Variants in BLK observed in about 807,000 individuals in gnomAD.
BLK encodes tyrosine-protein kinase Blk.
A neutral mutation model predicts 61.8 loss-of-function variants in BLK; 64 were observed. The observed-to-expected ratio is 1.03, with a 90% CI of 0.85 to 1.27. The LOEUF (loss-of-function observed/expected upper bound fraction) is 1.27. Among genes scored for constraint, BLK ranks in the 50% most tolerant of loss-of-function variants. BLK has a pLI of 0.00. For synonymous variants in BLK, 351 were observed against 272.0 expected (o/e 1.29, Z -2.86); for missense variants, 853 against 660.5 (o/e 1.29, Z -3.19).
At chr8:11,524,734 T>A (rs1799585281) in intron 1 of BLK, among the ~76,000 whole-genome samples, 1 of 151,892 alleles carries the variant, frequency 6.6e-6, no homozygotes, top group Admixed American at 6.6e-5. Context: ...ACAGCTGGGG[T>A]GTGCGGCAGA....
intron 1 of BLK, among the ~76,000 whole-genome samples, chr8:11,524,786 C>A (rs1799587948): frequency 6.6e-6 from 1 of 152,136 alleles, no homozygotes; most frequent in Admixed American, 6.6e-5. Context: ...ACCTCACGAT[C>A]AGATGCTGAC....
At chr8:11,538,687 C>T (rs774074071) in intron 1 of BLK, among the ~76,000 whole-genome samples, 8 of 152,220 alleles carry the variant, frequency 5.3e-5, no homozygotes, top group South Asian at 2.1e-4. Flanking sequence ...TGGGCAGATG[C>T]GGAAGTATGA....
chr8:11,513,043 C>G (rs192238915), intron 1 of BLK, among the ~76,000 whole-genome samples: 3 of 152,336 alleles, frequency 2.0e-5, no homozygotes, highest in Admixed American at 2.0e-4. Flanking sequence ...TCATGGAAGT[C>G]TGAAGCAAGA....
intron 1 of BLK, among the ~76,000 whole-genome samples, chr8:11,541,250 A>T (rs767746291): frequency 1.3e-5 from 2 of 152,246 alleles, no homozygotes; most frequent in Non-Finnish European, 2.9e-5. Flanking sequence ...CGTAGGCAAC[A>T]GAGTGAGACA....
intron 1 of BLK, chr8:11,509,734 C>A (rs1039593236): frequency 4.6e-5 from 7 of 152,166 alleles, no homozygotes; most frequent in African/African-American, 1.7e-4. Context: ...GTCATTTTCT[C>A]CTGACTTTTA....
rs181380741 is a variant in BLK, at chr8:11,544,868, A to G, written c.124-1184A>G. The stretch of plus-strand genomic sequence containing the variant: ...ATATGTCAGGTTGAAAGAATACACC[A>G]AAACGCACACTTGTATAGCCACCTC... On this transcript the variant is annotated intron_variant, in intron 2 of 12. Transcript: ENST00000259089. 3.6e-4 allele frequency among the ~76,000 whole-genome samples: 55 copies of G among 152,346 alleles called. 1 individual carries two copies. In the East Asian group the frequency reaches 9.6e-3, roughly 27 times the overall value.
chr8:11,521,673 G>C (rs1035549328), intron 1 of BLK, among the ~76,000 whole-genome samples: 3 of 152,304 alleles, frequency 2.0e-5, no homozygotes, highest in Non-Finnish European at 2.9e-5. Flanking sequence ...GAAGAAAAAA[G>C]TTTTCTCAGC....
intron 1 of BLK, among the ~76,000 whole-genome samples, chr8:11,498,306 C>G (rs988253325): frequency 2.0e-5 from 3 of 152,148 alleles, no homozygotes; most frequent in African/African-American, 7.2e-5. Flanking sequence ...AGGTTCTGTG[C>G]TTAATAGATG....
chr8:11,538,679 G>A (rs1800236985), intron 1 of BLK, among the ~76,000 whole-genome samples: 1 of 152,158 alleles, frequency 6.6e-6, no homozygotes, highest in Non-Finnish European at 1.5e-5. Flanking sequence ...TGGTCACCTG[G>A]GCAGATGCGG....
chr8:11,561,085 C>A, intron 10 of BLK: 1 of 708,852 alleles, frequency 1.4e-6, no homozygotes, highest in Non-Finnish European at 2.5e-6. Context: ...GCACAGGTAG[C>A]CCCTGTGTCT....
chr8:11,510,462 T>C (rs1188448619), intron 1 of BLK, among the ~76,000 whole-genome samples: 1 of 152,128 alleles, frequency 6.6e-6, no homozygotes, highest in Non-Finnish European at 1.5e-5. Flanking sequence ...CCATGAATGA[T>C]TGTGGGGCTT....
rs1352811596 is a variant in BLK, at chr8:11,554,764, A to G, written c.494A>G (p.Lys165Arg). 1.2e-6 allele frequency: 2 copies of G among 1,613,888 alleles called. No individual in the cohort carries two copies. Among genetic ancestry groups the G allele is most frequent in the Middle Eastern group, 1.7e-4 (1 of 6,058 alleles). ...TNKGAFSLSV[K>R]DVTTQGELIK... The stretch of plus-strand genomic sequence containing the variant: ...CCAGGTGCCTTCTCCCTGTCTGTGA[A>G]GGATGTCACCACCCAGGGGGAGCTG... The change falls in exon 7 of 13, where the codon AAG (lysine) becomes AGG (arginine). Residue 165 changes from lysine to arginine, a missense_variant. Lys to Arg is a conservative substitution (Grantham distance 26, BLOSUM62 2). Transcript: ENST00000259089.
intron 1 of BLK, among the ~76,000 whole-genome samples, chr8:11,508,981 G>A (rs1477577226): frequency 1.3e-5 from 2 of 152,148 alleles, no homozygotes; most frequent in African/African-American, 4.8e-5. Context: ...CTGCAGGCAA[G>A]GGAGGTCGTT....
chr8:11,554,947 G>A (rs763534984), intron 7 of BLK, 58 bp downstream of exon 7: 156 of 1,588,774 alleles, frequency 9.8e-5, no homozygotes, highest in South Asian at 1.1e-4. Flanking sequence ...TGGATCTCTC[G>A]CTAAGATTCC....
intron 1 of BLK, chr8:11,509,214 A>G (rs761189340): frequency 6.6e-6 from 1 of 151,988 alleles, no homozygotes; most frequent in Non-Finnish European, 1.5e-5. Flanking sequence ...AGCTAACCTC[A>G]CAGCACCCGA....
At chr8:11,505,110 A>G (rs1019107336) in intron 1 of BLK, among the ~76,000 whole-genome samples, 3 of 152,226 alleles carry the variant, frequency 2.0e-5, no homozygotes, top group Non-Finnish European at 4.4e-5. Flanking sequence ...ATACACAGGC[A>G]CACATACAGG....
At chr8:11,553,566 C>T (rs570020051) in intron 6 of BLK, 44 of 211,570 alleles carry the variant, frequency 2.1e-4, no homozygotes, top group African/African-American at 1.0e-3. Context: ...CCGAGGCACC[C>T]GACACAAGTG....
At chr8:11,549,204 G>A in intron 5 of BLK, 82 bp downstream of exon 5, 1 of 1,273,858 alleles carries the variant, frequency 7.9e-7, no homozygotes, top group Non-Finnish European at 1.1e-6. Context: ...GGCAGGGCCA[G>A]AGTGGGACTG....
intron 11 of BLK, among the ~76,000 whole-genome samples, chr8:11,562,585 C>T (rs528429032): frequency 2.4e-3 from 365 of 152,316 alleles, no homozygotes; most frequent in African/African-American, 8.0e-3. Context: ...AAGGGACTAA[C>T]GGAGGCGCCC....
Sources: allele counts gnomAD v4.1 joint callset (sites outside exome capture counted in the v4.1 genomes callset), GRCh38; gene constraint gnomAD v4.1.1; transcripts MANE v1.5; gene names NCBI Gene and HGNC (gene_info 2026-07-23, HGNC 2026-07-21).